Variants in TNRC6B observed in about 807,000 individuals in gnomAD.
TNRC6B encodes the protein trinucleotide repeat-containing gene 6B protein.
Under a neutral mutation model 203.6 loss-of-function variants are expected in TNRC6B, and 52 were observed. The observed-to-expected ratio is 0.26, with a 90% confidence interval of 0.20 to 0.32. The LOEUF is 0.32. Among genes scored for constraint, TNRC6B ranks in the 10% least tolerant of loss-of-function variants. TNRC6B has a pLI of 1.00. For missense variants in TNRC6B, 1,923 were observed against 2,286.2 expected (o/e 0.84, Z 3.24); for synonymous variants, 838 against 845.7 (o/e 0.99, Z 0.16).
intron 6 of TNRC6B, among the ~76,000 whole-genome samples, chr22:40,271,597 A>G (rs1160040616): frequency 1.3e-5 from 2 of 152,216 alleles, no homozygotes; most frequent in Non-Finnish European, 2.9e-5. Context: ...AATGTAATCT[A>G]GTAGACTTGA....
intron 3 of TNRC6B, among the ~76,000 whole-genome samples, chr22:40,256,522 A>G (rs1452479568): frequency 1.3e-5 from 2 of 152,164 alleles, no homozygotes; most frequent in African/African-American, 4.8e-5. Context: ...TGGAGAAAAA[A>G]TGGGGACAAT....
chr22:40,276,603 C>T (rs1164052181), intron 7 of TNRC6B, among the ~76,000 whole-genome samples: 1 of 152,190 alleles, frequency 6.6e-6, no homozygotes, highest in Non-Finnish European at 1.5e-5. Flanking sequence ...GGACCAATGT[C>T]TTTTATGCTG....
chr22:40,232,747 G>A (rs887687330), intron 1 of TNRC6B, among the ~76,000 whole-genome samples: 9 of 152,324 alleles, frequency 5.9e-5, no homozygotes, highest in East Asian at 3.9e-4. Context: ...GTGCAGTGGT[G>A]CACGCCTCTA....
In TNRC6B at chr22:40,312,565, A is replaced by G. The variant is rs749472036; in HGVS notation, c.4496A>G (p.Tyr1499Cys). ...IQNIDPESDP[Y>C]VTPGSVLGGT... ...AACATTGACCCTGAATCTGACCCCTATGTCACCCCAGGAAGTGTGCTGGGG... is the reference window on the plus strand; with the variant it reads ...AACATTGACCCTGAATCTGACCCCTGTGTCACCCCAGGAAGTGTGCTGGGG... The change falls in exon 18 of 23, where the codon TAT (tyrosine) becomes TGT (cysteine). Residue 1499 changes from tyrosine to cysteine, a missense_variant. Around this residue, in one of 8 missense-constraint regions of TNRC6B, gnomAD observed 242 missense variants for 399.5 expected, o/e 0.61. Transcript: ENST00000454349. 11 of 1,613,834 alleles carry G rather than the reference A, an allele frequency of 6.8e-6. No homozygotes were observed. Among genetic ancestry groups the G allele is most frequent in the South Asian group, 1.1e-5 (1 of 91,062 alleles).
intron 3 of TNRC6B, among the ~76,000 whole-genome samples, chr22:40,140,781 C>T (rs763903690): frequency 6.6e-6 from 1 of 152,158 alleles, no homozygotes; most frequent in Non-Finnish European, 1.5e-5. Flanking sequence ...GCTGGGACTA[C>T]AGGTGCATGC....
At chr22:40,305,641 T>TG (rs1171281024) in intron 15 of TNRC6B, among the ~76,000 whole-genome samples, 1 of 152,134 alleles carries the variant, frequency 6.6e-6, no homozygotes, top group Non-Finnish European at 1.5e-5. Context: ...TCTCATACTT[T>TG]GGGGTTTGTA....
intron 1 of TNRC6B, among the ~76,000 whole-genome samples, chr22:40,109,809 C>CT (rs2068317320): frequency 6.6e-6 from 1 of 152,182 alleles, no homozygotes; most frequent in African/African-American, 2.4e-5. Flanking sequence ...TCTACGTTCT[C>CT]TAAACTTCTG....
At chr22:40,187,943 G>C (rs2069224758) in intron 1 of TNRC6B, among the ~76,000 whole-genome samples, 1 of 152,170 alleles carries the variant, frequency 6.6e-6, no homozygotes. Flanking sequence ...AATCTGGCCG[G>C]GTACGGTGGC....
chr22:40,098,828 A>T (rs187499206), intron 1 of TNRC6B, among the ~76,000 whole-genome samples: 105 of 152,232 alleles, frequency 6.9e-4, no homozygotes, highest in African/African-American at 2.3e-3. Flanking sequence ...CCTGGGCTCA[A>T]GTGATCCTCC....
At chr22:40,101,688 A>G (rs1268218887) in intron 1 of TNRC6B, among the ~76,000 whole-genome samples, 1 of 152,204 alleles carries the variant, frequency 6.6e-6, no homozygotes, top group Non-Finnish European at 1.5e-5. Flanking sequence ...GACTGAGTAG[A>G]TGTGTGGGAC....
chr22:40,251,280 T>C, intron 3 of TNRC6B, 80 bp downstream of exon 3: 1 of 1,166,104 alleles, frequency 8.6e-7, no homozygotes. Context: ...CAGCCTCCAA[T>C]CCACTGAAAA....
chr22:40,199,733 G>T (rs916247864), intron 1 of TNRC6B, among the ~76,000 whole-genome samples: 3 of 151,358 alleles, frequency 2.0e-5, no homozygotes, highest in Non-Finnish European at 4.4e-5. Flanking sequence ...ATGTATCAGC[G>T]TTAATGTTCT....
chr22:40,068,488 T>G (rs2067916874), intron 1 of TNRC6B, among the ~76,000 whole-genome samples: 1 of 152,046 alleles, frequency 6.6e-6, no homozygotes, highest in Non-Finnish European at 1.5e-5. Flanking sequence ...CAGCCAATTT[T>G]TGTGTTTTTA....
intron 1 of TNRC6B, among the ~76,000 whole-genome samples, chr22:40,067,869 C>T (rs967355475): frequency 6.6e-6 from 1 of 152,110 alleles, no homozygotes; most frequent in Non-Finnish European, 1.5e-5. Context: ...CCAGGCACAC[C>T]CAGAAGCAAT....
At chr22:40,177,171 G>C (rs1408157313), upstream of TNRC6B, among the ~76,000 whole-genome samples, 2 of 152,174 alleles carry the variant, frequency 1.3e-5, no homozygotes, top group Non-Finnish European at 2.9e-5. Context: ...TTAGTGCCTA[G>C]GCTCCCTCAG....
intron 1 of TNRC6B, among the ~76,000 whole-genome samples, chr22:40,081,148 A>G (rs2068060768): frequency 6.6e-6 from 1 of 152,164 alleles, no homozygotes; most frequent in African/African-American, 2.4e-5. Flanking sequence ...GGCGTGAGCC[A>G]CCACGCTCAG....
At chr22:40,099,849 C>T (rs2068219051) in intron 1 of TNRC6B, among the ~76,000 whole-genome samples, 1 of 152,028 alleles carries the variant, frequency 6.6e-6, no homozygotes, top group African/African-American at 2.4e-5. Context: ...CTCTCGGGCT[C>T]ACGCCATTCT....
intron 22 of TNRC6B, 80 bp downstream of exon 22, chr22:40,321,309 A>C (rs779951359): frequency 8.5e-5 from 128 of 1,501,590 alleles, no homozygotes; most frequent in Non-Finnish European, 1.1e-4. Context: ...TGCTGAATTA[A>C]AGATGCACCA....
chr22:40,088,447 T>C (rs2068119160), intron 1 of TNRC6B, among the ~76,000 whole-genome samples: 1 of 152,196 alleles, frequency 6.6e-6, no homozygotes, highest in Non-Finnish European at 1.5e-5. Flanking sequence ...AGTCTCACAC[T>C]GTTGCCCAGG....
Sources: allele counts gnomAD v4.1 joint callset (sites outside exome capture counted in the v4.1 genomes callset), GRCh38; gene constraint gnomAD v4.1.1; regional missense constraint gnomAD v4.1.1; transcripts MANE v1.5; gene names NCBI Gene and HGNC (gene_info 2026-07-23, HGNC 2026-07-21).